TNR: variants seen among roughly 807,000 people sequenced by gnomAD.
The protein encoded by TNR is tenascin R.
TNR carries 45 observed loss-of-function variants against 150.4 expected under a neutral mutation model. The ratio of observed to expected loss-of-function variants is 0.30; its 90% CI spans 0.24 to 0.38. The LOEUF (loss-of-function observed/expected upper bound fraction) is 0.38, where lower values mean the gene tolerates loss of function less well. Among genes scored for constraint, TNR ranks in the 10% least tolerant of loss-of-function variants. TNR has a pLI of 1.00. For synonymous variants in TNR, 687 were observed against 678.4 expected (o/e 1.01, Z -0.20); for missense variants, 1,544 against 1,759.1 (o/e 0.88, Z 2.19).
At chr1:175,365,818 C>T in intron 11 of TNR, 57 bp downstream of exon 11, 2 of 1,568,044 alleles carry the variant, frequency 1.3e-6, no homozygotes, top group Non-Finnish European at 1.7e-6. Context: ...GAATGAATTT[C>T]TCACACTGAG....
chr1:175,391,290 G>T lies in TNR; in HGVS notation c.1505C>A (p.Thr502Lys). 1.2e-6 allele frequency: 2 copies of T among 1,613,652 alleles called. No homozygotes were observed. The highest frequency in any genetic ancestry group is 1.1e-5 in the South Asian group (1 of 91,040). ...RSPPTSASVS[T>K]VIDGPTQILV... The stretch of plus-strand genomic sequence containing the variant: ...GGAGAAGGGTTGGAGGCACTCACCT[G>T]TGGAGACGCTGGCCGAGGTAGGGGG... The change falls in exon 7 of 23, where the codon ACA (threonine) becomes AAA (lysine). Residue 502 changes from threonine (T) to lysine (K), a missense_variant and splice_region_variant. Physicochemically the swap from Thr to Lys is moderately conservative, Grantham distance 78. Around this residue, in one of 2 missense-constraint regions of TNR, gnomAD observed 1,254 missense variants for 1,329.4 expected, o/e 0.94. Transcript: ENST00000367674.
At chr1:175,718,198 A>G (rs368752136) in intron 1 of TNR, among the ~76,000 whole-genome samples, 12 of 152,176 alleles carry the variant, frequency 7.9e-5, no homozygotes, top group East Asian at 3.9e-4. Context: ...ACAAAATATC[A>G]TGTAGAGCCA....
chr1:175,586,267 C>T (rs1396393196), intron 1 of TNR, among the ~76,000 whole-genome samples: 3 of 152,160 alleles, frequency 2.0e-5, no homozygotes, highest in Admixed American at 6.5e-5. Context: ...ATGCCAGGTG[C>T]TCCAAACATA....
intron 2 of TNR, among the ~76,000 whole-genome samples, chr1:175,478,529 C>A (rs1356216952): frequency 6.6e-6 from 1 of 152,092 alleles, no homozygotes; most frequent in African/African-American, 2.4e-5. Context: ...AGGGCAGAGG[C>A]TACCCTGGGG....
chr1:175,455,257 AC>A (rs1483776207), intron 2 of TNR, among the ~76,000 whole-genome samples: 2 of 152,148 alleles, frequency 1.3e-5, no homozygotes, highest in African/African-American at 4.8e-5. Context: ...CAAACTCCTC[AC>A]CCATGGAATC....
chr1:175,603,328 C>A (rs545127522), intron 1 of TNR, among the ~76,000 whole-genome samples: 3 of 152,320 alleles, frequency 2.0e-5, no homozygotes, highest in East Asian at 1.9e-4. Context: ...AGTGAGTTTG[C>A]TTCAAGCCCA....
intron 2 of TNR, among the ~76,000 whole-genome samples, chr1:175,456,495 T>C (rs1018853991): frequency 3.9e-5 from 6 of 152,396 alleles, no homozygotes; most frequent in Admixed American, 6.5e-5. Flanking sequence ...TCTACAACAA[T>C]GCTTGACACT....
chr1:175,386,685 T>A (rs918747342), intron 7 of TNR, among the ~76,000 whole-genome samples: 8 of 152,110 alleles, frequency 5.3e-5, no homozygotes, highest in Non-Finnish European at 2.9e-5. Context: ...TCTCACCTCT[T>A]TGAGCCCTGA....
chr1:175,484,701 T>G (rs2102131895), intron 2 of TNR, among the ~76,000 whole-genome samples: 1 of 152,340 alleles, frequency 6.6e-6, no homozygotes, highest in South Asian at 2.1e-4. Context: ...CTATTTATTC[T>G]GAACAGAACA....
At chr1:175,532,353 T>G (rs1406583786) in intron 1 of TNR, among the ~76,000 whole-genome samples, 1 of 152,190 alleles carries the variant, frequency 6.6e-6, no homozygotes, top group East Asian at 1.9e-4. Flanking sequence ...AATGGGAAAT[T>G]TAGGCAACTG....
At chr1:175,560,287 G>A (rs1329476663) in intron 1 of TNR, among the ~76,000 whole-genome samples, 1 of 152,204 alleles carries the variant, frequency 6.6e-6, no homozygotes, top group Non-Finnish European at 1.5e-5. Context: ...CAATAATCAT[G>A]CTTTCTGCAT....
chr1:175,396,066 C>T (rs1337839382), intron 5 of TNR, among the ~76,000 whole-genome samples: 1 of 152,210 alleles, frequency 6.6e-6, no homozygotes, highest in Admixed American at 6.5e-5. Flanking sequence ...TATGCCACCT[C>T]TCTATCAGGA....
intron 2 of TNR, among the ~76,000 whole-genome samples, chr1:175,444,696 A>G (rs892662225): frequency 3.3e-5 from 5 of 152,232 alleles, no homozygotes; most frequent in African/African-American, 1.2e-4. Flanking sequence ...GAGGCCTAGC[A>G]TGTAAAGCCA....
At position 175,564,654 on chromosome 1, in the gene TNR, A is replaced by G. The variant is rs76923352; in HGVS notation, c.-164-36285T>C. On this transcript the variant is annotated intron_variant, in intron 1 of 22. Transcript: ENST00000367674. ...GGAGCTTAGGGAACACATGAAATTA[A>G]ATGTTTATTTGGGGTGGTTTTTGGG... is the stretch of plus-strand genomic sequence containing the variant. 9.2e-3 allele frequency among the ~76,000 whole-genome samples: 1,394 copies of G among 151,424 alleles called. 25 individuals carry two copies. Among genetic ancestry groups the G allele is most frequent in the African/African-American group, 0.031 (1,273 of 41,344 alleles).
At chr1:175,696,123 C>G (rs1204510557) in intron 1 of TNR, among the ~76,000 whole-genome samples, 1 of 151,550 alleles carries the variant, frequency 6.6e-6, no homozygotes, top group African/African-American at 2.4e-5. Context: ...TTTACAAATA[C>G]TGTTAACCAA....
intron 2 of TNR, among the ~76,000 whole-genome samples, chr1:175,424,372 C>A (rs1165176181): frequency 6.6e-6 from 1 of 152,210 alleles, no homozygotes; most frequent in African/African-American, 2.4e-5. Flanking sequence ...GGAAAAGCTT[C>A]TGTATTTTCC....
At chr1:175,376,791 T>C (rs1019619598) in intron 9 of TNR, among the ~76,000 whole-genome samples, 3 of 151,610 alleles carry the variant, frequency 2.0e-5, no homozygotes, top group African/African-American at 7.3e-5. Flanking sequence ...TATGTTAAGC[T>C]ATTTGCCTCA....
intron 1 of TNR, among the ~76,000 whole-genome samples, chr1:175,739,476 G>C (rs1667863718): frequency 6.6e-6 from 1 of 151,818 alleles, no homozygotes; most frequent in African/African-American, 2.4e-5. Flanking sequence ...CGTGTGTGCT[G>C]ATACCACACA....
intron 2 of TNR, among the ~76,000 whole-genome samples, chr1:175,431,512 A>G (rs1391360709): frequency 1.3e-5 from 2 of 151,980 alleles, no homozygotes; most frequent in African/African-American, 2.4e-5. Flanking sequence ...TCTCCCTTCT[A>G]TGGGGGGTTG....
Sources: gnomAD v4.1 joint callset for allele counts (sites outside exome capture counted in the v4.1 genomes callset) on GRCh38, gnomAD v4.1.1 for gene constraint, gnomAD v4.1.1 regional missense constraint, MANE v1.5 for transcripts, NCBI Gene and HGNC (gene_info 2026-07-23, HGNC 2026-07-21) for gene names.